PSMB7: variants seen among roughly 807,000 people sequenced by gnomAD.
The protein encoded by PSMB7 is proteasome subunit beta type-7.
Under a neutral mutation model 28.1 loss-of-function variants are expected in PSMB7, and 5 were observed. The ratio of observed to expected loss-of-function variants is 0.18; its 90% confidence interval spans 0.09 to 0.37. The LOEUF (loss-of-function observed/expected upper bound fraction) is 0.37, where lower values mean the gene tolerates loss of function less well. Among genes scored for constraint, PSMB7 ranks in the 10% least tolerant of loss-of-function variants. The pLI, the probability that PSMB7 is intolerant of heterozygous loss-of-function variation, is 1.00. For synonymous variants in PSMB7, 122 were observed against 123.7 expected, an observed-to-expected ratio of 0.99 and a Z score of 0.09; for missense variants, 275 against 346.2, an observed-to-expected ratio of 0.79 and a Z score of 1.63.
rs972567669 is a variant in PSMB7, at chr9:124,403,915, A to G, written c.511+1402T>C. Among the ~76,000 whole-genome samples, 9 of 146,498 alleles carry G rather than the reference A, an allele frequency of 6.1e-5. No individual in the cohort carries two copies. The Admixed American group carries it at 6.2e-4, about 10-fold the overall frequency. ...TTTTTTTTTTTTTTTTTAAACAGAC[A>G]GGGTCTCACTCTGTTGCCCAAGATG... On this transcript the variant is annotated intron_variant, in intron 5 of 7. Transcript: ENST00000259457.
At chr9:124,368,322 TTC>T (rs1162793242) in intron 6 of PSMB7, among the ~76,000 whole-genome samples, 1 of 152,228 alleles carries the variant, frequency 6.6e-6, no homozygotes, top group Non-Finnish European at 1.5e-5. Context: ...ACTTGCGGGT[TTC>T]TCTTTTTAAA....
At chr9:124,354,637 GGCCTGCCTTTATGCT>G (rs1399665223) in intron 7 of PSMB7, among the ~76,000 whole-genome samples, 6 of 152,176 alleles carry the variant, frequency 3.9e-5, no homozygotes, top group Admixed American at 3.9e-4. Context: ...AGCCCAGAGC[GGCCTGCCTTTATGCT>G]GCCAAGCCTC....
intron 6 of PSMB7, among the ~76,000 whole-genome samples, chr9:124,365,443 G>A (rs1830498684): frequency 1.3e-5 from 2 of 152,180 alleles, no homozygotes; most frequent in South Asian, 2.1e-4. Context: ...AGGTGTGGTC[G>A]AGTAGGTAGT....
intron 7 of PSMB7, 131 bp from the exon 8 acceptor site, chr9:124,353,840 A>G: frequency 1.4e-6 from 1 of 707,184 alleles, no homozygotes; most frequent in Non-Finnish European, 2.4e-6. Context: ...TCCCGATCCC[A>G]GCTCTGTGAT....
intron 5 of PSMB7, among the ~76,000 whole-genome samples, chr9:124,393,416 T>C (rs1283863156): frequency 6.6e-6 from 1 of 152,224 alleles, no homozygotes; most frequent in Non-Finnish European, 1.5e-5. Context: ...GCACTGAGTA[T>C]TACATTTAAA....
intron 5 of PSMB7, among the ~76,000 whole-genome samples, chr9:124,391,657 A>C (rs980133835): frequency 9.9e-5 from 15 of 152,176 alleles, no homozygotes; most frequent in African/African-American, 3.4e-4. Flanking sequence ...AAAAAAAAAA[A>C]AAACCTAAAA....
intron 5 of PSMB7, among the ~76,000 whole-genome samples, chr9:124,402,708 A>G (rs1830924194): frequency 1.3e-5 from 2 of 152,350 alleles, no homozygotes; most frequent in South Asian, 2.1e-4. Flanking sequence ...AAGTAAAAAA[A>G]AGAAAAAATA....
chr9:124,383,285 A>G (rs1830686537), intron 6 of PSMB7, among the ~76,000 whole-genome samples: 1 of 152,228 alleles, frequency 6.6e-6, no homozygotes, highest in Non-Finnish European at 1.5e-5. Flanking sequence ...CCTGTTTACT[A>G]TTCTTAATTG....
At chr9:124,377,279 A>G (rs1356026195) in intron 6 of PSMB7, among the ~76,000 whole-genome samples, 1 of 152,176 alleles carries the variant, frequency 6.6e-6, no homozygotes, top group Non-Finnish European at 1.5e-5. Context: ...GGACAGAGGA[A>G]ACAGACCTGC....
chr9:124,353,612 T>C lies in PSMB7; in HGVS notation c.820A>G (p.Met274Val), dbSNP rs756295186. 6.2e-7 allele frequency: 1 copy of C among 1,611,542 alleles called. No homozygotes were observed. The change falls in exon 8 of 8, where the codon ATG becomes GTG. Residue 274 changes from methionine to valine, a missense_variant. This residue lies in a region of PSMB7 where 213 missense variants were observed against 302.4 expected (regional missense o/e 0.70). Coordinates refer to ENST00000259457, the MANE Select transcript of PSMB7 (RefSeq NM_002799.4). ...IEVLEETVQT[M>V]DTS ...ACTGATGCCATTCAGGAAGTGTCCATTGTTTGGACTGTTTCTTCCAGCACC... is the reference window on the plus strand; with the variant it reads ...ACTGATGCCATTCAGGAAGTGTCCACTGTTTGGACTGTTTCTTCCAGCACC...
chr9:124,371,929 G>A (rs1468979960), intron 6 of PSMB7, among the ~76,000 whole-genome samples: 2 of 152,120 alleles, frequency 1.3e-5, no homozygotes, highest in Non-Finnish European at 1.5e-5. Flanking sequence ...AACATACTTC[G>A]TGAAATATTT....
At chr9:124,407,474 CA>C (rs1387540437) in intron 4 of PSMB7, among the ~76,000 whole-genome samples, 1 of 152,178 alleles carries the variant, frequency 6.6e-6, no homozygotes, top group Non-Finnish European at 1.5e-5. Context: ...GAAGAGAAGC[CA>C]CAATCGCCAG....
chr9:124,358,130 A>G (rs1288429717), intron 6 of PSMB7, among the ~76,000 whole-genome samples: 1 of 152,208 alleles, frequency 6.6e-6, no homozygotes, highest in African/African-American at 2.4e-5. Context: ...CGCTCACCCA[A>G]GCAACACCCT....
chr9:124,414,992 G>A (rs936589024), intron 1 of PSMB7, 57 bp from the exon 2 acceptor site: 9 of 1,209,242 alleles, frequency 7.4e-6, no homozygotes, highest in Non-Finnish European at 1.1e-5. Flanking sequence ...GCACAGCACT[G>A]GCATGAAAAG....
At chr9:124,361,299 GT>G (rs1213129675) in intron 6 of PSMB7, among the ~76,000 whole-genome samples, 1 of 152,154 alleles carries the variant, frequency 6.6e-6, no homozygotes, top group Non-Finnish European at 1.5e-5. Context: ...ATCGCACAAT[GT>G]GTCCCTGGAC....
intron 6 of PSMB7, among the ~76,000 whole-genome samples, chr9:124,364,468 C>A (rs1457387748): frequency 2.0e-5 from 3 of 146,894 alleles, no homozygotes; most frequent in African/African-American, 7.6e-5. Flanking sequence ...ATGTTCACAG[C>A]ATATGTGTAT....
intron 2 of PSMB7, 39 bp downstream of exon 2, chr9:124,414,803 C>T (rs753735707): frequency 6.5e-7 from 1 of 1,549,002 alleles, no homozygotes; most frequent in South Asian, 1.1e-5. Flanking sequence ...TTCCTGTTGC[C>T]GGTTCAGTCA....
chr9:124,414,804 G>T, intron 2 of PSMB7, 38 bp downstream of exon 2: 1 of 1,555,590 alleles, frequency 6.4e-7, no homozygotes, highest in Non-Finnish European at 8.9e-7. Context: ...TCCTGTTGCC[G>T]GTTCAGTCAC....
At chr9:124,413,667 T>C (rs1285996853) in intron 3 of PSMB7, among the ~76,000 whole-genome samples, 2 of 151,426 alleles carry the variant, frequency 1.3e-5, no homozygotes, top group African/African-American at 4.9e-5. Flanking sequence ...AAGGAAAGGA[T>C]AGGAGGGAAT....
Sources: gnomAD v4.1 joint callset for allele counts (sites outside exome capture counted in the v4.1 genomes callset) on GRCh38, gnomAD v4.1.1 for gene constraint, gnomAD v4.1.1 regional missense constraint, MANE v1.5 for transcripts, NCBI Gene and HGNC (gene_info 2026-07-23, HGNC 2026-07-21) for gene names.